ZNF592: variants seen among roughly 807,000 people sequenced by gnomAD.
ZNF592 encodes the protein spinocerebellar ataxia, autosomal recessive 5.
Under a neutral mutation model 80.3 loss-of-function variants are expected in ZNF592, and 11 were observed. The ratio of observed to expected loss-of-function variants is 0.14; its 90% CI spans 0.09 to 0.23. The LOEUF is 0.23. Among genes scored for constraint, ZNF592 ranks in the 10% least tolerant of loss-of-function variants. The pLI is 1.00. For synonymous variants in ZNF592, 646 were observed against 640.3 expected, an observed-to-expected ratio of 1.01 and a Z score of -0.13; for missense variants, 1,420 against 1,633.9, an observed-to-expected ratio of 0.87 and a Z score of 2.26.
chr15:84,749,249 T>A (rs1196570502), intron 1 of ZNF592, among the ~76,000 whole-genome samples: 3 of 152,154 alleles, frequency 2.0e-5, no homozygotes, highest in Non-Finnish European at 2.9e-5. Context: ...ACCAGGCCTG[T>A]TGATCAGGGT....
chr15:84,773,378 A>T (rs1962145502), intron 2 of ZNF592, among the ~76,000 whole-genome samples: 1 of 151,840 alleles, frequency 6.6e-6, no homozygotes, highest in African/African-American at 2.4e-5. Flanking sequence ...AGCCCAGCTA[A>T]TTTTTTGTAT....
At chr15:84,796,296 A>T (rs7174421) in intron 5 of ZNF592, among the ~76,000 whole-genome samples, 1,731 of 39,166 alleles carry the variant, frequency 0.044, 95 homozygotes, top group African/African-American at 0.088. Flanking sequence ...TATATATATA[A>T]AAAAACGAAG....
At chr15:84,792,888 G>C (rs1962788850) in intron 5 of ZNF592, among the ~76,000 whole-genome samples, 1 of 152,192 alleles carries the variant, frequency 6.6e-6, no homozygotes. Context: ...GAGGAGCATT[G>C]CTTGGCAGCA....
rs754098016 is a variant in ZNF592 at position 84,803,811 on chromosome 15, C to T, written c.*1418C>T. On this transcript the variant is annotated 3_prime_UTR_variant, in exon 11 of 11. Transcript: ENST00000560079. ...GCTGTCTTTTCACTGATGGTGGAGT[C>T]AGGGCCCACCCAAGCACGAGGAGCA... is the stretch of plus-strand genomic sequence containing the variant. 6.6e-6 allele frequency: 1 copy of T among 152,128 alleles called. No homozygotes were observed. The highest frequency in any genetic ancestry group is 6.5e-5 in the Admixed American group (1 of 15,278). 9.4% of individuals were successfully genotyped at this position (152,128 alleles called of 1,614,324 possible). A position where few individuals can be genotyped will look rare whatever the true frequency, so the allele number is the denominator to read the frequency against.
chr15:84,798,673 G>A lies in ZNF592; in HGVS notation c.2822G>A (p.Arg941Gln), dbSNP rs775495323. 6 of 1,613,690 alleles carry A rather than the reference G, an allele frequency of 3.7e-6. No homozygotes were observed. The highest frequency in any genetic ancestry group is 2.2e-5 in the South Asian group (2 of 91,076). The change falls in exon 8 of 11, where the codon CGA (arginine) becomes CAA (glutamine). Residue 941 changes from arginine (R) to glutamine (Q), a missense_variant. This residue lies in a region of ZNF592 where 331 missense variants were observed against 347.0 expected (regional missense o/e 0.95). Coordinates refer to ENST00000560079, the MANE Select transcript of ZNF592 (RefSeq NM_014630.3). The surrounding 1 kb of genome is among the most constrained non-coding windows in gnomAD (Gnocchi z 4.5). The stretch of plus-strand genomic sequence containing the variant: ...ACATCCTCAAGCCGCCCTGGCTCTC[G>A]AGTTCCCACTGAGCCACCAGCCACT... The part of the protein sequence containing the change: ...ADTSSSRPGS[R>Q]VPTEPPATSV...
intron 3 of ZNF592, among the ~76,000 whole-genome samples, chr15:84,781,407 G>A (rs62019470): frequency 1.3e-5 from 2 of 149,266 alleles, no homozygotes; most frequent in Admixed American, 1.3e-4. Flanking sequence ...TTTTTTTTTG[G>A]TCTTAGACAT....
intron 2 of ZNF592, among the ~76,000 whole-genome samples, chr15:84,774,903 C>T (rs1962198710): frequency 6.6e-6 from 1 of 151,958 alleles, no homozygotes. Flanking sequence ...GCCCCAGCCT[C>T]CCAAGTAGCT....
chr15:84,799,910 A>G lies in ZNF592; in HGVS notation c.3206A>G (p.His1069Arg). The G allele has an allele frequency of 6.2e-7, 1 of 1,614,164 alleles. No homozygotes were observed. Among genetic ancestry groups the G allele is most frequent in the Non-Finnish European group, 8.5e-7 (1 of 1,180,012 alleles). ...CTGGAGAGCCACATCAGCCTTATGC[A>G]TGGCATCAGAAACCCTGATTTGAGC... ...SLLESHISLM[H>R]GIRNPDLSQT... is the part of the protein sequence containing the mutation. Residue 1069 changes from histidine to arginine, a missense_variant, in exon 10 of 11, where the codon CAT becomes CGT. Physicochemically the swap from His to Arg is conservative, Grantham distance 29 (BLOSUM62 0). Coordinates refer to ENST00000560079, the MANE Select transcript of ZNF592 (RefSeq NM_014630.3). The surrounding 1 kb of genome is among the most constrained non-coding windows in gnomAD (Gnocchi z 4.2).
intron 3 of ZNF592, among the ~76,000 whole-genome samples, chr15:84,780,927 G>A (rs58679639): frequency 0.015 from 2,269 of 152,136 alleles, 60 homozygotes; most frequent in African/African-American, 0.051. Context: ...TCAAATGCAC[G>A]CGTAGTTTTA....
intron 1 of ZNF592, among the ~76,000 whole-genome samples, chr15:84,752,351 A>C (rs752080241): frequency 1.3e-5 from 2 of 152,218 alleles, no homozygotes; most frequent in Non-Finnish European, 2.9e-5. Context: ...AGGATGAGTT[A>C]CAGTGTACTT....
rs1264890836 is a variant in ZNF592 at position 84,804,316 on chromosome 15, A to G, written c.*1923A>G. ...GGGTCCATTCACAGGAATGGGTTCC[A>G]GAGGAGGCTGATAGAAGGGTTTGAA... On this transcript the variant is annotated 3_prime_UTR_variant, in exon 11 of 11. Transcript: ENST00000560079. The G allele has an allele frequency of 1.3e-5, 2 of 152,272 alleles. No homozygotes were observed. Among genetic ancestry groups the G allele is most frequent in the East Asian group, 3.9e-4 (2 of 5,194 alleles). The allele number at this position is 152,272 out of a possible 1,614,324, so 9.4% of individuals were successfully genotyped here.
intron 2 of ZNF592, among the ~76,000 whole-genome samples, chr15:84,769,470 A>G (rs955909272): frequency 8.5e-5 from 12 of 141,456 alleles, no homozygotes; most frequent in Non-Finnish European, 1.7e-4. Flanking sequence ...AAAGGCCTGA[A>G]GAAGTGAGGA....
Position 84,802,081 on chromosome 15 carries a change from T to C in ZNF592, c.3492T>C (p.Ser1164=), listed in dbSNP as rs555324751. 1 of 1,613,504 alleles carries C rather than the reference T, an allele frequency of 6.2e-7. No individual in the cohort carries two copies. Among genetic ancestry groups the C allele is most frequent in the East Asian group, 2.2e-5 (1 of 44,884 alleles). Residue 1164 remains serine (S), a synonymous_variant, in exon 11 of 11, where the codon TCT becomes TCC. Transcript: ENST00000560079. ...QCLLCGLCYT[S]ASSLSRHLFI... ...TCCTCTGTGGTTTGTGCTACACCTC[T>C]GCCAGCTCCCTCAGCCGCCACCTCT...
chr15:84,776,846 TC>T (rs1364449523), intron 2 of ZNF592, among the ~76,000 whole-genome samples: 1 of 151,660 alleles, frequency 6.6e-6, no homozygotes, highest in Non-Finnish European at 1.5e-5. Context: ...GGTCAGGAGA[TC>T]AAGGCCACCC....
Position 84,806,255 on chromosome 15 carries a change from T to C in ZNF592, c.*3862T>C, listed in dbSNP as rs1963230854. 1 of 152,194 alleles carries C rather than the reference T, an allele frequency of 6.6e-6. No homozygotes were observed. Among genetic ancestry groups the C allele is most frequent in the African/African-American group, 2.4e-5 (1 of 41,442 alleles). 9.4% of individuals were successfully genotyped at this position (152,194 alleles called of 1,614,324 possible). On this transcript the variant is annotated 3_prime_UTR_variant, in exon 11 of 11. Transcript: ENST00000560079. ...GATACTGTTCACCTTCTCCAACAGA[T>C]GCCACCGGAGCCTTAGGAACTGGGC...
chr15:84,784,911 C>T lies in ZNF592; in HGVS notation c.2220+16C>T, dbSNP rs1215074569. The T allele has an allele frequency of 1.9e-6, 3 of 1,613,808 alleles. No homozygotes were observed. In the Admixed American group the frequency reaches 5.0e-5, roughly 27 times the overall value. ...AGAGGGGCTGGTAAGCAGACCCTCA[C>T]TGTTACGGGTATCGGGCCCCTGGCT... On this transcript the variant is annotated intron_variant, in intron 4 of 10. Transcript: ENST00000560079. The surrounding 1 kb of genome is among the most constrained non-coding windows in gnomAD (Gnocchi z 5.8).
chr15:84,775,708 G>A (rs149486622), intron 2 of ZNF592, among the ~76,000 whole-genome samples: 9,679 of 152,268 alleles, frequency 0.064, 399 homozygotes, highest in Non-Finnish European at 0.091. Context: ...GGGATTACAG[G>A]CATGAGCCAC....
In ZNF592 at chr15:84,784,079, G is replaced by A. The variant is rs1962509651; in HGVS notation, c.1404G>A (p.Arg468=). The change falls in exon 4 of 11, where the codon CGG becomes CGA. Residue 468 remains arginine (R), a synonymous_variant. Coordinates refer to ENST00000560079, the MANE Select transcript of ZNF592 (RefSeq NM_014630.3). This position sits in a 1 kb window ranked among gnomAD's most constrained non-coding sequence, Gnocchi z 5.8. ...SSSPSCSSGP[R]VPKGAAPGSQ... is the part of the protein sequence containing the mutation. ...CTCCCAGCTGCAGTTCTGGGCCCCG[G>A]GTCCCAAAGGGGGCTGCCCCAGGCT... The A allele has an allele frequency of 6.2e-7, 1 of 1,613,924 alleles. No individual in the cohort carries two copies.
In ZNF592 at chr15:84,783,081, C is replaced by T; in HGVS notation, c.406C>T (p.Pro136Ser). ...KLEPPKSEPL[P>S]TFNQFSPISS... ...GGAGCCTCCCAAGTCAGAGCCATTACCCACCTTCAACCAGTTCAGTCCAAT... is the reference window on the plus strand; with the variant it reads ...GGAGCCTCCCAAGTCAGAGCCATTATCCACCTTCAACCAGTTCAGTCCAAT... Residue 136 changes from proline (P) to serine (S), a missense_variant, in exon 4 of 11, where the codon CCC (proline) becomes TCC (serine). This residue lies in a region of ZNF592 where 373 missense variants were observed against 355.5 expected (regional missense o/e 1.05). Transcript: ENST00000560079. The surrounding 1 kb of genome is among the most constrained non-coding windows in gnomAD (Gnocchi z 5.0). 1 of 1,614,128 alleles carries T rather than the reference C, an allele frequency of 6.2e-7. No individual in the cohort carries two copies. The highest frequency in any genetic ancestry group is 8.5e-7 in the Non-Finnish European group (1 of 1,180,030).
Sources: allele counts gnomAD v4.1 joint callset (sites outside exome capture counted in the v4.1 genomes callset), GRCh38; gene constraint gnomAD v4.1.1; regional missense constraint gnomAD v4.1.1; non-coding constraint Gnocchi (gnomAD v3.1); transcripts MANE v1.5; gene names NCBI Gene and HGNC (gene_info 2026-07-23, HGNC 2026-07-21).